The following SYT1 variants were observed in gnomAD, a reference collection of about 807,000 sequenced individuals.
SYT1 encodes synaptotagmin-1.
SYT1 carries 8 observed loss-of-function variants against 44.8 expected under a neutral mutation model. That is an observed-to-expected ratio of 0.18 (90% CI 0.10 to 0.32). The LOEUF is 0.32. Among genes scored for constraint, SYT1 ranks in the 10% least tolerant of loss-of-function variants. The pLI, the probability that SYT1 is intolerant of heterozygous loss-of-function variation, is 1.00. For synonymous variants in SYT1, 154 were observed against 188.8 expected (o/e 0.82, Z 1.51); for missense variants, 286 against 509.3 (o/e 0.56, Z 4.22).
intron 4 of SYT1, among the ~76,000 whole-genome samples, chr12:79,275,540 A>C (rs1020471461): frequency 2.0e-5 from 3 of 152,080 alleles, no homozygotes; most frequent in African/African-American, 7.2e-5. Context: ...TGAATATAAA[A>C]AATCCTGGGA....
At chr12:79,236,693 G>A (rs1876211208) in intron 4 of SYT1, among the ~76,000 whole-genome samples, 1 of 152,118 alleles carries the variant, frequency 6.6e-6, no homozygotes. Context: ...GCCCTACAAG[G>A]AGAAAACAGT....
At chr12:79,244,757 C>T (rs979086370) in intron 4 of SYT1, among the ~76,000 whole-genome samples, 1 of 151,822 alleles carries the variant, frequency 6.6e-6, no homozygotes, top group African/African-American at 2.4e-5. Context: ...TTATATTAAC[C>T]TTCCCCGCTA....
chr12:78,903,437 C>A (rs1875777528), intron 1 of SYT1, among the ~76,000 whole-genome samples: 1 of 151,900 alleles, frequency 6.6e-6, no homozygotes, highest in African/African-American at 2.4e-5. Context: ...CAGGCACGCA[C>A]CACCATGCCC....
chr12:79,232,479 C>A (rs537318925), intron 4 of SYT1, among the ~76,000 whole-genome samples: 2 of 152,210 alleles, frequency 1.3e-5, no homozygotes, highest in African/African-American at 4.8e-5. Flanking sequence ...TCTTCCAGGT[C>A]TTTATACAAA....
chr12:79,064,922 TAGAG>T (rs1164955561), intron 3 of SYT1, among the ~76,000 whole-genome samples: 10 of 72,502 alleles, frequency 1.4e-4, no homozygotes, highest in South Asian at 1.2e-3. Context: ...GACAAAAAAA[TAGAG>T]AGAAAGAAAG....
intron 4 of SYT1, among the ~76,000 whole-genome samples, chr12:79,274,648 G>A (rs1878617371): frequency 6.6e-6 from 1 of 152,114 alleles, no homozygotes; most frequent in African/African-American, 2.4e-5. Flanking sequence ...GGACTTTTGA[G>A]AGTTCGATGG....
chr12:78,988,565 G>T (rs1473136215), intron 2 of SYT1, among the ~76,000 whole-genome samples: 1 of 151,852 alleles, frequency 6.6e-6, no homozygotes, highest in African/African-American at 2.4e-5. Flanking sequence ...AATCCCAAAG[G>T]CAATGAAGAA....
At chr12:78,916,249 T>C (rs1486980890) in intron 1 of SYT1, among the ~76,000 whole-genome samples, 1 of 152,080 alleles carries the variant, frequency 6.6e-6, no homozygotes, top group Non-Finnish European at 1.5e-5. Flanking sequence ...TTAACTTTAT[T>C]GAAATGTCTG....
intron 3 of SYT1, among the ~76,000 whole-genome samples, chr12:79,179,223 G>GATATAGATATATCT (rs1565841599): frequency 2.7e-4 from 5 of 18,390 alleles, no homozygotes; most frequent in African/African-American, 1.8e-3. Context: ...TAGATATATA[G>GATATAGATATATCT]ATATAGATAT....
intron 1 of SYT1, among the ~76,000 whole-genome samples, chr12:78,963,817 C>T (rs1879636852): frequency 1.3e-5 from 2 of 152,092 alleles, no homozygotes; most frequent in Non-Finnish European, 2.9e-5. Context: ...AATATCACTC[C>T]TGGGATTTGG....
At chr12:78,881,782 G>C (rs1053276557) in intron 1 of SYT1, among the ~76,000 whole-genome samples, 6 of 151,422 alleles carry the variant, frequency 4.0e-5, no homozygotes, top group Non-Finnish European at 8.9e-5. Context: ...AAAAAAAGAG[G>C]AGATAAAAGA....
chr12:79,334,074 A>C (rs1881979413), intron 8 of SYT1, among the ~76,000 whole-genome samples: 1 of 151,736 alleles, frequency 6.6e-6, no homozygotes, highest in East Asian at 1.9e-4. Flanking sequence ...TTAACTCTTC[A>C]AAAAAAAGTT....
At chr12:79,288,848 T>TC (rs1879437064) in intron 5 of SYT1, among the ~76,000 whole-genome samples, 1 of 152,176 alleles carries the variant, frequency 6.6e-6, no homozygotes, top group Admixed American at 6.6e-5. Flanking sequence ...GCGGTAGGTT[T>TC]CCTCTGCTAC....
chr12:79,193,332 C>T (rs2138459480), intron 3 of SYT1, among the ~76,000 whole-genome samples: 1 of 152,108 alleles, frequency 6.6e-6, no homozygotes, highest in African/African-American at 2.4e-5. Flanking sequence ...TGGGCTGGCT[C>T]AGAGAAGAAG....
rs544514154 is a variant in SYT1, at chr12:79,115,917, TC to T, written c.-18+68556del. Among the ~76,000 whole-genome samples the T allele has an allele frequency of 2.9e-3, 444 of 152,300 alleles. 1 individual carries two copies. The highest frequency in any genetic ancestry group is 5.5e-3 in the Admixed American group (84 of 15,298). On this transcript the variant is annotated intron_variant, in intron 3 of 10. Coordinates refer to ENST00000261205, the MANE Select transcript of SYT1 (RefSeq NM_005639.3). ...CCTGTCAATCAAATATGCAGTAAGT[TC>T]TCATAAAATTTCTCACTTCCCCACA...
intron 1 of SYT1, among the ~76,000 whole-genome samples, chr12:78,953,085 T>A (rs1400474363): frequency 6.6e-6 from 1 of 152,118 alleles, no homozygotes; most frequent in Admixed American, 6.6e-5. Context: ...TCTTCATCAC[T>A]GTATTCTAGC....
chr12:79,123,555 T>C (rs1273417416), intron 3 of SYT1, among the ~76,000 whole-genome samples: 1 of 152,196 alleles, frequency 6.6e-6, no homozygotes, highest in Non-Finnish European at 1.5e-5. Flanking sequence ...GCTGCATTCT[T>C]GTATTGAAAG....
intron 5 of SYT1, among the ~76,000 whole-genome samples, chr12:79,290,220 C>T (rs1220151327): frequency 6.6e-6 from 1 of 152,166 alleles, no homozygotes; most frequent in Non-Finnish European, 1.5e-5. Context: ...CAGCTCAATT[C>T]TGTTTATATG....
intron 9 of SYT1, among the ~76,000 whole-genome samples, chr12:79,396,338 T>C (rs1044518134): frequency 2.0e-5 from 3 of 152,146 alleles, no homozygotes; most frequent in Non-Finnish European, 4.4e-5. Flanking sequence ...TGCAAGTAAA[T>C]ATTAATTTAA....
Sources: gnomAD v4.1 joint callset for allele counts (sites outside exome capture counted in the v4.1 genomes callset) on GRCh38, gnomAD v4.1.1 for gene constraint, MANE v1.5 for transcripts, NCBI Gene and HGNC (gene_info 2026-07-23, HGNC 2026-07-21) for gene names.